Variants in STAMBP observed in about 807,000 individuals in gnomAD.
The protein encoded by STAMBP is STAM binding protein.
A neutral mutation model predicts 50.7 loss-of-function variants in STAMBP; 31 were observed. The observed-to-expected ratio is 0.61, with a 90% CI of 0.46 to 0.83. The LOEUF (loss-of-function observed/expected upper bound fraction) is 0.83. STAMBP is among the 40% of genes least tolerant of loss of function. The pLI is 0.00. For synonymous variants in STAMBP, 211 were observed against 192.4 expected (o/e 1.10, Z -0.80); for missense variants, 472 against 518.9 (o/e 0.91, Z 0.88).
intron 6 of STAMBP, among the ~76,000 whole-genome samples, chr2:73,849,846 G>T (rs561282910): frequency 1.3e-5 from 2 of 152,144 alleles, no homozygotes; most frequent in Non-Finnish European, 2.9e-5. Context: ...TTGGAGAGAA[G>T]GCAGACATGC....
intron 4 of STAMBP, among the ~76,000 whole-genome samples, chr2:73,847,077 G>A (rs1317945215): frequency 8.3e-6 from 1 of 120,022 alleles, no homozygotes; most frequent in Non-Finnish European, 1.7e-5. Flanking sequence ...ATGAGACCCT[G>A]TCTCAAAAAA....
At chr2:73,857,080 C>G (rs201991434) in intron 7 of STAMBP, among the ~76,000 whole-genome samples, 1 of 152,244 alleles carries the variant, frequency 6.6e-6, no homozygotes. Context: ...TCTGCCTTGT[C>G]TATTCCAGCC....
intron 5 of STAMBP, among the ~76,000 whole-genome samples, chr2:73,848,620 C>T (rs1470946059): frequency 1.3e-5 from 2 of 152,086 alleles, no homozygotes; most frequent in Admixed American, 6.6e-5. Flanking sequence ...AGTCCAAGAC[C>T]CAGGGGCCTG....
intron 9 of STAMBP, chr2:73,860,649 C>T: frequency 1.4e-6 from 1 of 704,936 alleles, no homozygotes; most frequent in Non-Finnish European, 1.7e-6. Flanking sequence ...GACCTTCCTA[C>T]AAAGTTCTTT....
At chr2:73,831,455 G>C (rs1164578199) in intron 2 of STAMBP, among the ~76,000 whole-genome samples, 2 of 152,150 alleles carry the variant, frequency 1.3e-5, no homozygotes, top group Admixed American at 6.5e-5. Context: ...AGCAAATTTA[G>C]TGATACAGGA....
At chr2:73,834,170 C>T (rs1371637448) in intron 2 of STAMBP, among the ~76,000 whole-genome samples, 1 of 134,966 alleles carries the variant, frequency 7.4e-6, no homozygotes, top group Non-Finnish European at 1.5e-5. Flanking sequence ...GAGATCACGC[C>T]ACTGCACTCC....
chr2:73,861,186 A>T (rs1180330783), intron 9 of STAMBP, among the ~76,000 whole-genome samples: 2 of 152,236 alleles, frequency 1.3e-5, no homozygotes, highest in African/African-American at 4.8e-5. Context: ...TTCTCTCACC[A>T]TGTGACAGTA....
intron 2 of STAMBP, among the ~76,000 whole-genome samples, chr2:73,834,882 A>G (rs1362211265): frequency 1.3e-5 from 2 of 152,180 alleles, no homozygotes; most frequent in Non-Finnish European, 2.9e-5. Flanking sequence ...CTGGGGATTG[A>G]AAGATCATTG....
chr2:73,831,209 A>G (rs931246883), intron 2 of STAMBP, 150 bp downstream of exon 2: 3 of 651,364 alleles, frequency 4.6e-6, no homozygotes, highest in South Asian at 1.9e-5. Flanking sequence ...CTTGCCGTTC[A>G]AAGACATGAG....
At chr2:73,855,890 T>A (rs913507921) in intron 7 of STAMBP, among the ~76,000 whole-genome samples, 1 of 152,072 alleles carries the variant, frequency 6.6e-6, no homozygotes, top group Non-Finnish European at 1.5e-5. Context: ...AGGAGATTTG[T>A]TTTTTTGGAC....
chr2:73,840,460 T>C (rs1675248481), intron 2 of STAMBP, among the ~76,000 whole-genome samples: 1 of 152,036 alleles, frequency 6.6e-6, no homozygotes, highest in Non-Finnish European at 1.5e-5. Flanking sequence ...ATACACATTT[T>C]AAGTTGGATG....
At chr2:73,868,616 G>A (rs1679064144), downstream of STAMBP, among the ~76,000 whole-genome samples, 1 of 152,064 alleles carries the variant, frequency 6.6e-6, no homozygotes, top group Admixed American at 6.6e-5. Context: ...AGGCACAGTG[G>A]CATACATCTG....
chr2:73,851,555 G>A (rs1390888028), intron 7 of STAMBP, among the ~76,000 whole-genome samples: 1 of 152,186 alleles, frequency 6.6e-6, no homozygotes, highest in East Asian at 1.9e-4. Context: ...CAGACAGGTG[G>A]AGAAGAGGCG....
intron 2 of STAMBP, among the ~76,000 whole-genome samples, chr2:73,834,221 AAAAAAAAAAAAAAAAAT>A (rs1345209423): frequency 4.6e-5 from 1 of 21,692 alleles, no homozygotes; most frequent in Non-Finnish European, 8.7e-5. Context: ...AAAAAAAAAA[AAAAAAAAAAAAAAAAAT>A]ATATATATAT....
At chr2:73,845,695 G>A (rs1401135066) in intron 4 of STAMBP, among the ~76,000 whole-genome samples, 5 of 148,550 alleles carry the variant, frequency 3.4e-5, no homozygotes, top group Admixed American at 2.0e-4. Context: ...GCAGTGGCAC[G>A]ATCTCAGCTC....
intron 4 of STAMBP, among the ~76,000 whole-genome samples, chr2:73,845,883 C>T (rs1339364148): frequency 6.6e-6 from 1 of 152,244 alleles, no homozygotes; most frequent in Non-Finnish European, 1.5e-5. Context: ...CCGCCTGCCT[C>T]GGCCTTCCAA....
At chr2:73,837,829 G>T (rs1467952832) in intron 2 of STAMBP, among the ~76,000 whole-genome samples, 4 of 152,118 alleles carry the variant, frequency 2.6e-5, no homozygotes, top group African/African-American at 9.7e-5. Context: ...AATGAGAAGA[G>T]AAGGAGCCTA....
intron 2 of STAMBP, among the ~76,000 whole-genome samples, chr2:73,836,526 G>A (rs1674732897): frequency 6.6e-6 from 1 of 152,242 alleles, no homozygotes; most frequent in African/African-American, 2.4e-5. Flanking sequence ...GGAGGAGGGA[G>A]CTGTGGGAGG....
At position 73,845,241 on chromosome 2, in the gene STAMBP, T is replaced by C; in HGVS notation, c.354T>C (p.Tyr118=). 6.2e-7 allele frequency: 1 copy of C among 1,613,468 alleles called. No homozygotes were observed. The stretch of plus-strand genomic sequence containing the variant: ...TGTTAAAACGATATACCAAAGAATA[T>C]ACAGAATATAATGAAGAAAAGGTCA... ...AELLKRYTKE[Y]TEYNEEKKKE... Residue 118 remains tyrosine (Y), a synonymous_variant, in exon 4 of 10, where the codon TAT becomes TAC. Transcript: ENST00000394070.
Sources: allele counts gnomAD v4.1 joint callset (sites outside exome capture counted in the v4.1 genomes callset), GRCh38; gene constraint gnomAD v4.1.1; transcripts MANE v1.5; gene names NCBI Gene and HGNC (gene_info 2026-07-23, HGNC 2026-07-21).